The following SLC24A3 variants were observed in gnomAD, a reference collection of about 807,000 sequenced individuals.
SLC24A3 encodes the protein sodium/potassium/calcium exchanger 3.
In SLC24A3, 28 loss-of-function variants were observed where a neutral mutation model predicts 75.8. The observed-to-expected ratio is 0.37, with a 90% CI of 0.27 to 0.51. The LOEUF is 0.51. Ranked by LOEUF, SLC24A3 falls within the 20% of genes least tolerant of loss-of-function variation. SLC24A3 has a pLI of 0.94. For synonymous variants in SLC24A3, 372 were observed against 334.1 expected, an observed-to-expected ratio of 1.11 and a Z score of -1.24; for missense variants, 663 against 847.8, an observed-to-expected ratio of 0.78 and a Z score of 2.71.
At chr20:19,447,394 A>G (rs1223044939) in intron 2 of SLC24A3, among the ~76,000 whole-genome samples, 1 of 152,102 alleles carries the variant, frequency 6.6e-6, no homozygotes, top group East Asian at 1.9e-4. Flanking sequence ...TGAGCATTTT[A>G]GGTGGCTAGT....
In SLC24A3 at chr20:19,400,622, A is replaced by G. The variant is rs761901917; in HGVS notation, c.272-114866A>G. Among the ~76,000 whole-genome samples, 9 of 152,280 alleles carry G rather than the reference A, an allele frequency of 5.9e-5. 1 individual carries two copies. Among genetic ancestry groups the G allele is most frequent in the Non-Finnish European group, 1.2e-4 (8 of 68,026 alleles). ...ACCCTCTAGAATTCTGTGTCTGATC[A>G]GCTGTCTTCTCCCTAGTGCCCTTCC... On this transcript the variant is annotated intron_variant, in intron 2 of 16. Coordinates refer to ENST00000328041, the MANE Select transcript of SLC24A3 (RefSeq NM_020689.4).
chr20:19,237,367 C>G (rs1022061111), intron 1 of SLC24A3, among the ~76,000 whole-genome samples: 4 of 152,174 alleles, frequency 2.6e-5, no homozygotes, highest in African/African-American at 7.2e-5. Context: ...CCATCTTCAC[C>G]TGCTTTGCCA....
chr20:19,550,721 C>A (rs573891385), intron 3 of SLC24A3, among the ~76,000 whole-genome samples: 29 of 152,254 alleles, frequency 1.9e-4, no homozygotes, highest in African/African-American at 6.7e-4. Context: ...GAAAGGAAGC[C>A]TCTAAGTCTA....
intron 2 of SLC24A3, among the ~76,000 whole-genome samples, chr20:19,477,836 A>C (rs1270951050): frequency 1.3e-5 from 2 of 152,228 alleles, no homozygotes; most frequent in East Asian, 1.9e-4. Context: ...ATACAAAACC[A>C]TTAAGACTTG....
chr20:19,252,643 C>CAGGGGG (rs113050087), intron 1 of SLC24A3, among the ~76,000 whole-genome samples: 4 of 133,362 alleles, frequency 3.0e-5, no homozygotes, highest in Non-Finnish European at 6.6e-5. Flanking sequence ...ATTGGAATGG[C>CAGGGGG]GGGGGGGGGT....
intron 7 of SLC24A3, among the ~76,000 whole-genome samples, chr20:19,658,127 G>C (rs1234406160): frequency 6.6e-6 from 1 of 152,290 alleles, no homozygotes; most frequent in East Asian, 1.9e-4. Flanking sequence ...ATGCTGTTCT[G>C]TGTACACGCC....
chr20:19,372,822 C>T (rs951821417), intron 2 of SLC24A3, among the ~76,000 whole-genome samples: 5 of 152,008 alleles, frequency 3.3e-5, no homozygotes, highest in Non-Finnish European at 5.9e-5. Context: ...CAAAGGACAC[C>T]GGTACAACCA....
intron 2 of SLC24A3, among the ~76,000 whole-genome samples, chr20:19,491,896 TC>T (rs1469887893): frequency 6.6e-6 from 1 of 152,070 alleles, no homozygotes. Flanking sequence ...GCAAACACCT[TC>T]CTCCATCAGT....
intron 3 of SLC24A3, among the ~76,000 whole-genome samples, chr20:19,517,307 G>A (rs914885430): frequency 1.3e-5 from 2 of 152,122 alleles, no homozygotes; most frequent in Non-Finnish European, 2.9e-5. Flanking sequence ...CAAACACTGC[G>A]TGCTTTCATC....
chr20:19,598,693 G>A (rs1288656854), intron 6 of SLC24A3, among the ~76,000 whole-genome samples: 6 of 152,080 alleles, frequency 3.9e-5, no homozygotes, highest in East Asian at 1.9e-4. Context: ...GACTCAAGGC[G>A]TGGGTACAGC....
intron 2 of SLC24A3, among the ~76,000 whole-genome samples, chr20:19,413,712 C>T (rs1005403175): frequency 1.3e-5 from 2 of 152,174 alleles, no homozygotes; most frequent in Admixed American, 1.3e-4. Flanking sequence ...GTCTCTATGA[C>T]ATTCTACCAT....
intron 15 of SLC24A3, among the ~76,000 whole-genome samples, chr20:19,709,778 AC>A (rs1377341238): frequency 6.6e-6 from 1 of 151,926 alleles, no homozygotes; most frequent in African/African-American, 2.4e-5. Context: ...TGCAGACCTG[AC>A]CCCTCACCAG....
chr20:19,516,046 G>A (rs2029980930), intron 3 of SLC24A3, among the ~76,000 whole-genome samples: 1 of 152,214 alleles, frequency 6.6e-6, no homozygotes, highest in Non-Finnish European at 1.5e-5. Flanking sequence ...TTCATTCCCA[G>A]ACCCTTTCTT....
chr20:19,575,928 A>G (rs2031128271), intron 3 of SLC24A3, among the ~76,000 whole-genome samples: 2 of 152,162 alleles, frequency 1.3e-5, no homozygotes, highest in African/African-American at 4.8e-5. Context: ...AAAAGTGGAG[A>G]TGGGGTGGTG....
intron 2 of SLC24A3, among the ~76,000 whole-genome samples, chr20:19,491,114 T>A (rs2122530398): frequency 6.6e-6 from 1 of 152,304 alleles, no homozygotes; most frequent in South Asian, 2.1e-4. Flanking sequence ...CTTTCATTCC[T>A]TGGAGGGGAG....
At chr20:19,229,250 A>T (rs1981950446) in intron 1 of SLC24A3, among the ~76,000 whole-genome samples, 1 of 152,138 alleles carries the variant, frequency 6.6e-6, no homozygotes, top group African/African-American at 2.4e-5. Context: ...CATTGATAAA[A>T]TCTGACTGTA....
At chr20:19,720,142 A>G (rs1574341) in intron 16 of SLC24A3, among the ~76,000 whole-genome samples, 113,923 of 152,168 alleles carry the variant, frequency 0.75, 42,931 homozygotes, top group East Asian at 0.96. Flanking sequence ...GAAATGGCCT[A>G]CACCTGGGCT....
chr20:19,332,785 A>C (rs1381159976), intron 2 of SLC24A3, among the ~76,000 whole-genome samples: 2 of 151,994 alleles, frequency 1.3e-5, no homozygotes, highest in African/African-American at 4.8e-5. Flanking sequence ...TACATGGGAT[A>C]CTCTGAGGAC....
chr20:19,429,646 T>C (rs1987068131), intron 2 of SLC24A3, among the ~76,000 whole-genome samples: 1 of 152,150 alleles, frequency 6.6e-6, no homozygotes, highest in Admixed American at 6.5e-5. Context: ...ATGAGGTTCT[T>C]CCAGGATTAT....
Sources: gnomAD v4.1 joint callset for allele counts (sites outside exome capture counted in the v4.1 genomes callset) on GRCh38, gnomAD v4.1.1 for gene constraint, MANE v1.5 for transcripts, NCBI Gene and HGNC (gene_info 2026-07-23, HGNC 2026-07-21) for gene names.